TNNI3K: variants seen among roughly 807,000 people sequenced by gnomAD.
TNNI3K encodes the protein serine/threonine-protein kinase TNNI3K.
In TNNI3K, 140 loss-of-function variants were observed where a neutral mutation model predicts 114.5. That is an observed-to-expected ratio of 1.22 (90% CI 1.07 to 1.41). TNNI3K has a LOEUF of 1.41. Ranked by LOEUF, TNNI3K falls within the 40% of genes most tolerant of loss-of-function variation. TNNI3K has a pLI of 0.00. For missense variants in TNNI3K, 1,125 were observed against 1,007.6 expected, an observed-to-expected ratio of 1.12 and a Z score of -1.58; for synonymous variants, 347 against 347.5, an observed-to-expected ratio of 1.00 and a Z score of 0.02.
intron 23 of TNNI3K, among the ~76,000 whole-genome samples, chr1:74,501,485 TTTGTTTGTTTG>T (rs1183940457): frequency 3.2e-5 from 4 of 124,490 alleles, no homozygotes; most frequent in African/African-American, 2.1e-4. Context: ...TGTTTGTTTG[TTTGTTTGTTTG>T]TTTGTTTGTT....
intron 6 of TNNI3K, among the ~76,000 whole-genome samples, chr1:74,332,259 T>G (rs1266206028): frequency 1.3e-5 from 2 of 152,096 alleles, no homozygotes; most frequent in Non-Finnish European, 2.9e-5. Flanking sequence ...TTATCTTTTT[T>G]TCTAATTTTT....
At chr1:74,369,287 T>G in intron 15 of TNNI3K, 23 bp downstream of exon 15, 1 of 1,611,410 alleles carries the variant, frequency 6.2e-7, no homozygotes, top group Middle Eastern at 1.7e-4. Context: ...ATGAAAAAAT[T>G]TAACATCCAG....
intron 4 of TNNI3K, among the ~76,000 whole-genome samples, chr1:74,255,248 G>C (rs1015727442): frequency 3.3e-5 from 5 of 151,344 alleles, no homozygotes; most frequent in Non-Finnish European, 7.4e-5. Context: ...CAGCTACTTG[G>C]GAGGCTGAGG....
At chr1:74,501,737 T>G (rs956711889) in intron 23 of TNNI3K, among the ~76,000 whole-genome samples, 3 of 152,090 alleles carry the variant, frequency 2.0e-5, no homozygotes, top group African/African-American at 7.2e-5. Flanking sequence ...TCTGTCCACC[T>G]CGGCCTCCCA....
At chr1:74,351,524 A>G (rs1279513104) in intron 9 of TNNI3K, among the ~76,000 whole-genome samples, 2 of 151,960 alleles carry the variant, frequency 1.3e-5, no homozygotes, top group African/African-American at 2.4e-5. Context: ...GCCTTGCTAG[A>G]TTGGGGAAGT....
chr1:74,270,411 A>C (rs1656270752), intron 4 of TNNI3K, among the ~76,000 whole-genome samples: 1 of 151,746 alleles, frequency 6.6e-6, no homozygotes, highest in Admixed American at 6.6e-5. Flanking sequence ...AGAAAACATA[A>C]GTTTATAGTT....
At position 74,400,306 on chromosome 1, in the gene TNNI3K, A is replaced by G. The variant is rs138717986; in HGVS notation, c.1772+29914A>G. On this transcript the variant is annotated intron_variant, in intron 17 of 24. Coordinates refer to ENST00000326637, the MANE Select transcript of TNNI3K (RefSeq NM_015978.3). The stretch of plus-strand genomic sequence containing the variant: ...ACTACCGATCCCACTACTTCCTTTA[A>G]TCCACCATACAATGACCCTAAGAGA... Among the ~76,000 whole-genome samples the G allele has an allele frequency of 5.1e-3, 784 of 152,252 alleles. 5 individuals carry two copies. The highest frequency in any genetic ancestry group is 0.018 in the African/African-American group (752 of 41,538).
chr1:74,529,525 C>A (rs1646553048), intron 23 of TNNI3K, among the ~76,000 whole-genome samples: 1 of 152,150 alleles, frequency 6.6e-6, no homozygotes, highest in African/African-American at 2.4e-5. Context: ...GAATTAGATT[C>A]TTTTGCTATA....
chr1:74,532,493 A>C (rs1386465136), intron 23 of TNNI3K, among the ~76,000 whole-genome samples: 2 of 151,604 alleles, frequency 1.3e-5, no homozygotes, highest in Non-Finnish European at 2.9e-5. Context: ...TTATTATTAT[A>C]CTTTAAGTTT....
At chr1:74,532,124 A>G (rs1189555242) in intron 23 of TNNI3K, among the ~76,000 whole-genome samples, 1 of 152,230 alleles carries the variant, frequency 6.6e-6, no homozygotes, top group East Asian at 1.9e-4. Context: ...ATGCAGCTTA[A>G]AAAATTTTAC....
intron 16 of TNNI3K, among the ~76,000 whole-genome samples, chr1:74,370,075 T>G (rs1662514001): frequency 6.6e-6 from 1 of 151,866 alleles, no homozygotes; most frequent in South Asian, 2.1e-4. Flanking sequence ...AAGTATAATA[T>G]CTTAAACAAG....
In TNNI3K at chr1:74,314,415, G is replaced by A. The variant is rs566640207; in HGVS notation, c.445-17035G>A. Among the ~76,000 whole-genome samples, 260 of 151,934 alleles carry A rather than the reference G, an allele frequency of 1.7e-3. 2 individuals are homozygous for A. The highest frequency in any genetic ancestry group is 6.1e-3 in the African/African-American group (253 of 41,444). On this transcript the variant is annotated intron_variant, in intron 5 of 24. Coordinates refer to ENST00000326637, the MANE Select transcript of TNNI3K (RefSeq NM_015978.3). ...TACAACAAATAAAGTCGCTTTCTTT[G>A]TTTGTATCTATCTCATTTGCATATT...
At chr1:74,540,444 A>C (rs1478269929) in intron 24 of TNNI3K, 131 bp downstream of exon 24, 1 of 854,164 alleles carries the variant, frequency 1.2e-6, no homozygotes, top group African/African-American at 1.7e-5. Context: ...ATATAAAAGT[A>C]TAAAATTTGA....
Position 74,439,628 on chromosome 1 carries a change from A to C in TNNI3K, c.2011+6A>C. 1 of 1,612,418 alleles carries C rather than the reference A, an allele frequency of 6.2e-7. No individual in the cohort carries two copies. The highest frequency in any genetic ancestry group is 1.1e-5 in the South Asian group (1 of 90,780). ...ATTCGCTCATCTCAAGCCAGGTAAG[A>C]CACACTGCAATTGAAGTTTTCCTGT... is the stretch of plus-strand genomic sequence containing the variant. On this transcript the variant is annotated splice_donor_region_variant and intron_variant, in intron 20 of 24. Transcript: ENST00000326637.
Position 74,236,098 on chromosome 1 carries a change from C to T in TNNI3K, c.41-4C>T. 6.2e-7 allele frequency: 1 copy of T among 1,601,834 alleles called. No individual in the cohort carries two copies. Among genetic ancestry groups the T allele is most frequent in the Non-Finnish European group, 8.5e-7 (1 of 1,172,698 alleles). ...AATCAATCTCATTTGTTCTTCTTTA[C>T]TAGATGAATGGAAGAAAAAAGTCAG... On this transcript the variant is annotated splice_region_variant and splice_polypyrimidine_tract_variant and intron_variant, in intron 1 of 24. Transcript: ENST00000326637.
At chr1:74,332,745 C>A (rs1302542314) in intron 6 of TNNI3K, among the ~76,000 whole-genome samples, 3 of 152,026 alleles carry the variant, frequency 2.0e-5, no homozygotes, top group Admixed American at 2.0e-4. Context: ...TTTTGCTGTA[C>A]CAAAGTACCT....
At chr1:74,340,362 T>C (rs192615249) in intron 7 of TNNI3K, among the ~76,000 whole-genome samples, 1 of 152,308 alleles carries the variant, frequency 6.6e-6, no homozygotes, top group East Asian at 1.9e-4. Context: ...TTAGAGCAAA[T>C]AGAATGTTAT....
chr1:74,316,042 A>T (rs753039498), intron 5 of TNNI3K, among the ~76,000 whole-genome samples: 4 of 152,208 alleles, frequency 2.6e-5, no homozygotes, highest in Non-Finnish European at 5.9e-5. Flanking sequence ...ACATTCACTG[A>T]TTCTTTTACA....
At chr1:74,479,213 G>T (rs1668355749) in intron 21 of TNNI3K, among the ~76,000 whole-genome samples, 1 of 152,028 alleles carries the variant, frequency 6.6e-6, no homozygotes, top group Admixed American at 6.6e-5. Flanking sequence ...ATTTCACCAT[G>T]CACTGAGAGC....
Sources: gnomAD v4.1 joint callset for allele counts (sites outside exome capture counted in the v4.1 genomes callset) on GRCh38, gnomAD v4.1.1 for gene constraint, MANE v1.5 for transcripts, NCBI Gene and HGNC (gene_info 2026-07-23, HGNC 2026-07-21) for gene names.